The following PLSCR1 variants were observed in gnomAD, a reference collection of about 807,000 sequenced individuals.
PLSCR1 encodes phospholipid scramblase 1.
PLSCR1 carries 17 observed loss-of-function variants against 37.8 expected under a neutral mutation model. The observed-to-expected ratio is 0.45, with a 90% confidence interval of 0.31 to 0.68. The LOEUF is 0.68. Ranked by LOEUF, PLSCR1 falls within the 30% of genes least tolerant of loss-of-function variation. The pLI, the probability that PLSCR1 is intolerant of heterozygous loss-of-function variation, is 0.06. For missense variants in PLSCR1, 347 were observed against 380.9 expected (o/e 0.91, Z 0.74); for synonymous variants, 116 against 125.9 (o/e 0.92, Z 0.53).
chr3:146,538,248 G>T (rs923374876), intron 1 of PLSCR1, among the ~76,000 whole-genome samples: 19 of 152,120 alleles, frequency 1.2e-4, no homozygotes, highest in Admixed American at 5.2e-4. Flanking sequence ...TAGACTAAAA[G>T]TTTTCAAGAC....
At chr3:146,523,182 C>T (rs2044056272) in intron 5 of PLSCR1, among the ~76,000 whole-genome samples, 2 of 152,210 alleles carry the variant, frequency 1.3e-5, no homozygotes, top group Non-Finnish European at 2.9e-5. Flanking sequence ...GTCTCTCGTT[C>T]CGCCTAACAA....
chr3:146,517,124 T>C lies in PLSCR1; in HGVS notation c.782A>G (p.Lys261Arg). The C allele has an allele frequency of 1.3e-6, 2 of 1,592,612 alleles. No homozygotes were observed. The highest frequency in any genetic ancestry group is 1.7e-6 in the Non-Finnish European group (2 of 1,170,216). ...DEQCVVGKIS[K>R]HWTGILREAF... Reference sequence around the variant, plus strand: ...CTCTCTCAAAATTCCAGTCCAGTGCTTGGAAATTTTGCCAACCACACACTG... The same window carrying C: ...CTCTCTCAAAATTCCAGTCCAGTGCCTGGAAATTTTGCCAACCACACACTG... Residue 261 changes from lysine to arginine, a missense_variant, in exon 8 of 9, where the codon AAG becomes AGG. Lys to Arg is a conservative substitution (Grantham distance 26). Transcript: ENST00000342435.
chr3:146,530,546 G>A lies in PLSCR1; in HGVS notation c.95-1715C>T, dbSNP rs550041793. Among the ~76,000 whole-genome samples, 5 of 152,314 alleles carry A rather than the reference G, an allele frequency of 3.3e-5. No individual in the cohort carries two copies. The East Asian group carries it at 9.6e-4, about 29-fold the overall frequency. ...ATGTATGCGAGCGAGGGCAGGGTAT[G>A]AGGCAGTTACTTTGGGTAAATATAA... On this transcript the variant is annotated intron_variant, in intron 3 of 8. Coordinates refer to ENST00000342435, the MANE Select transcript of PLSCR1 (RefSeq NM_021105.3).
intron 7 of PLSCR1, among the ~76,000 whole-genome samples, chr3:146,517,610 C>G (rs1355527517): frequency 6.6e-6 from 1 of 152,042 alleles, no homozygotes; most frequent in African/African-American, 2.4e-5. Flanking sequence ...TTATTACTAC[C>G]CACTGTGAGT....
At chr3:146,519,250 CT>C (rs2043986232) in intron 7 of PLSCR1, among the ~76,000 whole-genome samples, 1 of 152,006 alleles carries the variant, frequency 6.6e-6, no homozygotes, top group African/African-American at 2.4e-5. Context: ...GGATTGTCTG[CT>C]TTTTAAAAAC....
chr3:146,521,613 T>G lies in PLSCR1; in HGVS notation c.669A>C (p.Lys223Asn), dbSNP rs961813905. 1.2e-6 allele frequency: 2 copies of G among 1,613,816 alleles called. No homozygotes were observed. The highest frequency in any genetic ancestry group is 1.7e-6 in the Non-Finnish European group (2 of 1,179,862). The change falls in exon 7 of 9, where the codon AAA becomes AAC. Residue 223 changes from lysine (K) to asparagine (N), a missense_variant. Coordinates refer to ENST00000342435, the MANE Select transcript of PLSCR1 (RefSeq NM_021105.3). ...CLPKFTIQNE[K>N]REDVLKISGP... ...CACTTATTTTTAGTACATCCTCTCT[T>G]TTCTCATTTTGAATTGTAAACTTTG...
Position 146,517,148 on chromosome 3 carries a change from T to A in PLSCR1, c.758A>T (p.Gln253Leu), listed in dbSNP as rs767819241. ...VDFEIKSLDE[Q>L]CVVGKISKHW... Reference sequence around the variant, plus strand: ...CTTGGAAATTTTGCCAACCACACACTGTTCATCAAGAGATTTAATCTAAAT... The same window carrying A: ...CTTGGAAATTTTGCCAACCACACACAGTTCATCAAGAGATTTAATCTAAAT... Residue 253 changes from glutamine (Q) to leucine (L), a missense_variant, in exon 8 of 9, where the codon CAG (glutamine) becomes CTG (leucine). Coordinates refer to ENST00000342435, the MANE Select transcript of PLSCR1 (RefSeq NM_021105.3). The A allele has an allele frequency of 6.4e-7, 1 of 1,552,412 alleles. No homozygotes were observed.
Position 146,518,091 on chromosome 3 carries a change from CA to C in PLSCR1, c.739-925del, listed in dbSNP as rs2043970993. The stretch of plus-strand genomic sequence containing the variant: ...AAGCTGATAGCATAATACTGTTCAT[CA>C]AATATTCATTTCATTCCCTCTCCTT... On this transcript the variant is annotated intron_variant, in intron 7 of 8. Coordinates refer to ENST00000342435, the MANE Select transcript of PLSCR1 (RefSeq NM_021105.3). 2.6e-5 allele frequency among the ~76,000 whole-genome samples: 4 copies of C among 152,162 alleles called. No individual in the cohort carries two copies. In the South Asian group the frequency reaches 8.3e-4, roughly 32 times the overall value.
Position 146,517,056 on chromosome 3 carries a change from C to G in PLSCR1, c.850G>C (p.Asp284His). 1.2e-6 allele frequency: 2 copies of G among 1,604,530 alleles called. No homozygotes were observed. Among genetic ancestry groups the G allele is most frequent in the Non-Finnish European group, 1.7e-6 (2 of 1,174,684 alleles). ...ADNFGIQFPLDLDVKMKAVMI... is the reference protein window; with the variant it reads ...ADNFGIQFPLHLDVKMKAVMI... ...ACAGCTTTCATTTTAACATCAAGGT[C>G]TAAAGGGAACTGGATTCCAAAGTTA... is the stretch of plus-strand genomic sequence containing the variant. The change falls in exon 8 of 9, where the codon GAC (aspartate) becomes CAC (histidine). Residue 284 changes from aspartate (D) to histidine (H), a missense_variant. Physicochemically the swap from Asp to His is moderately conservative, Grantham distance 81. Coordinates refer to ENST00000342435, the MANE Select transcript of PLSCR1 (RefSeq NM_021105.3).
intron 6 of PLSCR1, 59 bp from the exon 7 acceptor site, chr3:146,521,764 A>G: frequency 6.4e-7 from 1 of 1,574,732 alleles, no homozygotes; most frequent in Non-Finnish European, 8.7e-7. Flanking sequence ...GTTCGATGAA[A>G]GGTTCAATGA....
At chr3:146,521,407 TTAAA>T (rs2044017749) in intron 7 of PLSCR1, 133 bp downstream of exon 7, 1 of 762,068 alleles carries the variant, frequency 1.3e-6, no homozygotes, top group Non-Finnish European at 2.1e-6. Context: ...CTGCCCAAAG[TTAAA>T]TAAATGAGAA....
At chr3:146,535,498 A>G (rs1320668212) in intron 2 of PLSCR1, among the ~76,000 whole-genome samples, 1 of 152,190 alleles carries the variant, frequency 6.6e-6, no homozygotes, top group Non-Finnish European at 1.5e-5. Flanking sequence ...ACATTGTCTT[A>G]AAGGTACTTT....
intron 5 of PLSCR1, 112 bp from the exon 6 acceptor site, chr3:146,522,165 AAGG>A (rs926831485): frequency 2.2e-4 from 151 of 689,990 alleles, no homozygotes; most frequent in African/African-American, 2.2e-3. Flanking sequence ...CAAGTGGCAT[AAGG>A]AGGAGAAGAA....
chr3:146,537,519 T>C (rs1278017433), intron 1 of PLSCR1, among the ~76,000 whole-genome samples: 1 of 152,206 alleles, frequency 6.6e-6, no homozygotes, highest in Admixed American at 6.5e-5. Flanking sequence ...GTGATCCCTC[T>C]ACATGCTCAA....
intron 4 of PLSCR1, among the ~76,000 whole-genome samples, chr3:146,525,966 G>T (rs1012739260): frequency 6.6e-6 from 1 of 151,562 alleles, no homozygotes; most frequent in Admixed American, 6.6e-5. Context: ...GGCAGATCAC[G>T]AGGTCAGGAG....
rs1296242063 is a variant in PLSCR1, at chr3:146,521,541, T to C, written c.738+3A>G. 1.2e-6 allele frequency: 2 copies of C among 1,611,448 alleles called. No individual in the cohort carries two copies. The highest frequency in any genetic ancestry group is 1.7e-6 in the Non-Finnish European group (2 of 1,178,442). On this transcript the variant is annotated splice_donor_region_variant and intron_variant, in intron 7 of 8. Transcript: ENST00000342435. ...ATCTTATAAACATTATGACATCTCT[T>C]ACCTCAAAATCAACATCTCCACAAC...
At position 146,519,085 on chromosome 3, in the gene PLSCR1, GATTT is replaced by G. The variant is rs1323521869; in HGVS notation, c.739-1922_739-1919del. On this transcript the variant is annotated intron_variant, in intron 7 of 8. Transcript: ENST00000342435. ...TAAGCTATTTTATTTACTTACTAAT[GATTT>G]ATTTATTTACTGTTATTACACCCAA... 2.0e-5 allele frequency among the ~76,000 whole-genome samples: 3 copies of G among 152,114 alleles called. No individual in the cohort carries two copies. In the East Asian group the frequency reaches 5.8e-4, roughly 29 times the overall value.
At chr3:146,529,997 A>G (rs1316744575) in intron 3 of PLSCR1, among the ~76,000 whole-genome samples, 2 of 152,254 alleles carry the variant, frequency 1.3e-5, no homozygotes, top group Non-Finnish European at 2.9e-5. Context: ...TCTGGAAAAT[A>G]TAATTTGAGA....
Position 146,528,700 on chromosome 3 carries a change from G to T in PLSCR1, c.226C>A (p.Gln76Lys), listed in dbSNP as rs1414491686. 6.2e-7 allele frequency: 1 copy of T among 1,605,992 alleles called. No homozygotes were observed. The highest frequency in any genetic ancestry group is 8.5e-7 in the Non-Finnish European group (1 of 1,172,554). The change falls in exon 4 of 9, where the codon CAG (glutamine) becomes AAG (lysine). Residue 76 changes from glutamine (Q) to lysine (K), a missense_variant. Gln to Lys is a moderately conservative substitution (Grantham distance 53). Coordinates refer to ENST00000342435, the MANE Select transcript of PLSCR1 (RefSeq NM_021105.3). ...QPVYNQPVYN[Q>K]PVGAAGVPWM... ...GGTACCCCTGCAGCTCCAACTGGCTGATTATATACTGGCTGATTATACACT... is the reference window on the plus strand; with the variant it reads ...GGTACCCCTGCAGCTCCAACTGGCTTATTATATACTGGCTGATTATACACT...
Sources: gnomAD v4.1 joint callset for allele counts (sites outside exome capture counted in the v4.1 genomes callset) on GRCh38, gnomAD v4.1.1 for gene constraint, MANE v1.5 for transcripts, NCBI Gene and HGNC (gene_info 2026-07-23, HGNC 2026-07-21) for gene names.